PEBP4: variants seen among roughly 807,000 people sequenced by gnomAD.
PEBP4 encodes the protein phosphatidylethanolamine binding protein 4, also known as phosphatidylethanolamine-binding protein 4.
A neutral mutation model predicts 23.9 loss-of-function variants in PEBP4; 22 were observed. The ratio of observed to expected loss-of-function variants is 0.92; its 90% CI spans 0.66 to 1.31. PEBP4 has a LOEUF of 1.31. PEBP4 is among the 40% of genes most tolerant of loss of function. The probability of loss-of-function intolerance (pLI) is 0.00; values close to 1 mark genes in which losing one functional copy is unlikely to be tolerated. For synonymous variants in PEBP4, 112 were observed against 99.3 expected (o/e 1.13, Z -0.76); for missense variants, 324 against 281.7 (o/e 1.15, Z -1.07).
intron 4 of PEBP4, among the ~76,000 whole-genome samples, chr8:22,740,513 G>A (rs1804966447): frequency 6.6e-6 from 1 of 152,170 alleles, no homozygotes; most frequent in Admixed American, 6.5e-5. Context: ...AGTCTGTGAA[G>A]CCCCTCAGCA....
chr8:22,792,913 G>C (rs534152275), intron 4 of PEBP4, among the ~76,000 whole-genome samples: 2 of 152,182 alleles, frequency 1.3e-5, no homozygotes, highest in Non-Finnish European at 2.9e-5. Flanking sequence ...CTTGGAGTGG[G>C]ACCCTTACCT....
intron 4 of PEBP4, among the ~76,000 whole-genome samples, chr8:22,734,804 G>T (rs780198032): frequency 1.3e-5 from 2 of 152,178 alleles, no homozygotes; most frequent in Non-Finnish European, 2.9e-5. Context: ...TGAGAAAGCT[G>T]TCTAAGCCAC....
At position 22,898,431 on chromosome 8, in the gene PEBP4, A is replaced by ACC. The variant is rs1563253604; in HGVS notation, c.258+21751_258+21752dup. Among the ~76,000 whole-genome samples, 9 of 123,840 alleles carry ACC rather than the reference A, an allele frequency of 7.3e-5. 1 individual carries two copies. In the East Asian group the frequency reaches 9.4e-4, roughly 13 times the overall value. 81.2% of individuals were successfully genotyped at this position (123,840 alleles called of 152,430 possible). ...AAAAAAAAAAAAAAAAAAAAAAAAA[A>ACC]CCCACCCAGTCTATGGTATTTTGTT... On this transcript the variant is annotated intron_variant, in intron 3 of 6. Transcript: ENST00000256404.
At chr8:22,928,398 G>T (rs1809398878), upstream of PEBP4, among the ~76,000 whole-genome samples, 1 of 152,214 alleles carries the variant, frequency 6.6e-6, no homozygotes, top group Admixed American at 6.5e-5. Context: ...GGGTGCGTCT[G>T]GGTGCACCTT....
At chr8:22,883,216 A>G (rs1381924506) in intron 3 of PEBP4, among the ~76,000 whole-genome samples, 1 of 152,256 alleles carries the variant, frequency 6.6e-6, no homozygotes, top group Non-Finnish European at 1.5e-5. Flanking sequence ...AAGGATGCTT[A>G]TCACAATTAT....
chr8:22,932,382 A>G (rs192881508), upstream of PEBP4, among the ~76,000 whole-genome samples: 9 of 152,316 alleles, frequency 5.9e-5, no homozygotes, highest in East Asian at 1.5e-3. Flanking sequence ...ACTGAATTAT[A>G]CACTTCAAAA....
At position 22,927,677 on chromosome 8, in the gene PEBP4, A is replaced by G; in HGVS notation, c.38T>C (p.Leu13Ser). The change falls in exon 2 of 7, where the codon TTA becomes TCA. Residue 13 changes from leucine to serine, a missense_variant. Transcript: ENST00000256404. ...AGTGACCACCATCATGAGACCCAGT[A>G]ACAGTGCTGCTGTGACCAGCCTCAT... is the stretch of plus-strand genomic sequence containing the variant. ...WTMRLVTAAL[L>S]LGLMMVVTGD... 6.2e-7 allele frequency: 1 copy of G among 1,613,948 alleles called. No individual in the cohort carries two copies.
At chr8:22,721,326 G>A (rs576162201) in intron 6 of PEBP4, among the ~76,000 whole-genome samples, 2 of 152,206 alleles carry the variant, frequency 1.3e-5, no homozygotes, top group South Asian at 4.2e-4. Context: ...CCTGGCCAAG[G>A]TCAAACGATC....
chr8:22,871,200 C>G (rs1229130971), intron 3 of PEBP4, among the ~76,000 whole-genome samples: 6 of 152,114 alleles, frequency 3.9e-5, no homozygotes, highest in Non-Finnish European at 7.4e-5. Context: ...AGAGTCCAGC[C>G]TCTGTCTAGA....
intron 4 of PEBP4, among the ~76,000 whole-genome samples, chr8:22,741,090 C>T (rs1158398716): frequency 6.6e-6 from 1 of 152,156 alleles, no homozygotes; most frequent in Non-Finnish European, 1.5e-5. Flanking sequence ...TGCCTATAGA[C>T]CAGATGAGGG....
intron 3 of PEBP4, among the ~76,000 whole-genome samples, chr8:22,833,153 A>G (rs1429092069): frequency 6.6e-6 from 1 of 152,038 alleles, no homozygotes; most frequent in Non-Finnish European, 1.5e-5. Flanking sequence ...CTGTTTCTAG[A>G]TATCTGTGAG....
intron 4 of PEBP4, among the ~76,000 whole-genome samples, chr8:22,811,226 G>A (rs1327908413): frequency 6.6e-6 from 1 of 151,974 alleles, no homozygotes; most frequent in Non-Finnish European, 1.5e-5. Context: ...TATTTCAAAT[G>A]AACAATTATG....
chr8:22,808,615 G>A (rs191572760), intron 4 of PEBP4, among the ~76,000 whole-genome samples: 6 of 152,160 alleles, frequency 3.9e-5, no homozygotes, highest in Non-Finnish European at 7.4e-5. Context: ...CAAGCCTTTC[G>A]GCAGAGGTGA....
chr8:22,871,161 G>A (rs900024212), intron 3 of PEBP4, among the ~76,000 whole-genome samples: 3 of 152,168 alleles, frequency 2.0e-5, no homozygotes, highest in Non-Finnish European at 4.4e-5. Flanking sequence ...AGGAAGAGCT[G>A]GGATAGGTGA....
chr8:22,835,723 G>A (rs755763377), intron 3 of PEBP4, among the ~76,000 whole-genome samples: 5 of 152,218 alleles, frequency 3.3e-5, no homozygotes, highest in East Asian at 1.9e-4. Context: ...GTTAGAAAGC[G>A]CTATGTCCCA....
At chr8:22,853,779 G>T (rs375280247) in intron 3 of PEBP4, among the ~76,000 whole-genome samples, 10 of 152,192 alleles carry the variant, frequency 6.6e-5, no homozygotes, top group East Asian at 5.8e-4. Flanking sequence ...GTCCATGGAT[G>T]GTTCTGACCA....
chr8:22,927,937 A>C, upstream of PEBP4: 1 of 530,478 alleles, frequency 1.9e-6, no homozygotes, highest in Non-Finnish European at 3.3e-6. Context: ...AGTTGGACTC[A>C]ATGTACGTTC....
intron 4 of PEBP4, among the ~76,000 whole-genome samples, chr8:22,793,650 T>A (rs1806185888): frequency 6.6e-6 from 1 of 152,210 alleles, no homozygotes; most frequent in South Asian, 2.1e-4. Context: ...TGGTCATTTC[T>A]AATATTCCAT....
intron 6 of PEBP4, among the ~76,000 whole-genome samples, chr8:22,716,434 C>T (rs1171053428): frequency 1.3e-5 from 2 of 152,208 alleles, no homozygotes; most frequent in Non-Finnish European, 2.9e-5. Flanking sequence ...TGGGCCACCA[C>T]TCTGTGCCTG....
Sources: allele counts gnomAD v4.1 joint callset (sites outside exome capture counted in the v4.1 genomes callset), GRCh38; gene constraint gnomAD v4.1.1; transcripts MANE v1.5; gene names NCBI Gene and HGNC (gene_info 2026-07-23, HGNC 2026-07-21).